CDH3: variants seen among roughly 807,000 people sequenced by gnomAD.
CDH3 encodes cadherin 3.
CDH3 carries 54 observed loss-of-function variants against 82.0 expected under a neutral mutation model. The observed-to-expected ratio is 0.66, with a 90% CI of 0.53 to 0.83. CDH3 has a LOEUF of 0.83. Ranked by LOEUF, CDH3 falls within the 40% of genes least tolerant of loss-of-function variation. CDH3 has a pLI of 0.00. For synonymous variants in CDH3, 446 were observed against 437.9 expected (o/e 1.02, Z -0.23); for missense variants, 1,054 against 1,084.6 (o/e 0.97, Z 0.40).
intron 12 of CDH3, among the ~76,000 whole-genome samples, chr16:68,689,781 G>T (rs992805288): frequency 6.6e-6 from 1 of 151,842 alleles, no homozygotes; most frequent in African/African-American, 2.4e-5. Context: ...GGAGCCCAGC[G>T]AGAGTGCAGA....
intron 15 of CDH3, chr16:68,696,687 C>G (rs1387777807): frequency 2.6e-5 from 4 of 153,472 alleles, no homozygotes; most frequent in East Asian, 1.9e-4. Flanking sequence ...ACTCTAAGAT[C>G]TGTCTGCCAG....
intron 3 of CDH3, among the ~76,000 whole-genome samples, chr16:68,676,793 C>T (rs1961046583): frequency 6.6e-6 from 1 of 152,194 alleles, no homozygotes. Flanking sequence ...CCATGTTAAC[C>T]CCAACTGAAA....
chr16:68,656,009 G>A (rs1463679391), intron 2 of CDH3, among the ~76,000 whole-genome samples: 1 of 152,166 alleles, frequency 6.6e-6, no homozygotes, highest in Non-Finnish European at 1.5e-5. Flanking sequence ...AAGGGAGTTG[G>A]GCATGAGAGG....
At chr16:68,645,560 G>A (rs1960028330) in intron 1 of CDH3, 76 bp from the exon 2 acceptor site, 1 of 1,449,434 alleles carries the variant, frequency 6.9e-7, no homozygotes. Context: ...AGGCCCGTGA[G>A]GACCCTGCGG....
intron 2 of CDH3, among the ~76,000 whole-genome samples, chr16:68,646,983 ATTCT>A (rs1233807108): frequency 1.1e-5 from 1 of 90,528 alleles, no homozygotes; most frequent in Non-Finnish European, 2.4e-5. Context: ...TTTTAAAAAA[ATTCT>A]TTCTGCAAAT....
chr16:68,696,161 C>A, intron 15 of CDH3: 1 of 532,762 alleles, frequency 1.9e-6, no homozygotes, highest in Non-Finnish European at 3.5e-6. Context: ...TGCCTCACGC[C>A]TGTAATCTGA....
intron 3 of CDH3, 124 bp downstream of exon 3, chr16:68,676,594 G>C (rs1182006514): frequency 2.1e-5 from 16 of 751,796 alleles, no homozygotes; most frequent in Non-Finnish European, 3.3e-5. Flanking sequence ...AGAGGAGGTA[G>C]TGTTAGTCCT....
At chr16:68,680,289 G>A (rs1018419779) in intron 7 of CDH3, among the ~76,000 whole-genome samples, 1 of 152,134 alleles carries the variant, frequency 6.6e-6, no homozygotes, top group Admixed American at 6.5e-5. Context: ...TACCCAAATT[G>A]GTCCCTTATG....
chr16:68,720,430 G>A (rs911370333), intron 1 of CDH3, among the ~76,000 whole-genome samples: 11 of 152,008 alleles, frequency 7.2e-5, no homozygotes, highest in African/African-American at 2.7e-4. Context: ...GGTGACCTTG[G>A]GCAAGTACCT....
chr16:68,690,629 C>T (rs1005010849), intron 12 of CDH3, among the ~76,000 whole-genome samples: 3 of 151,464 alleles, frequency 2.0e-5, no homozygotes, highest in African/African-American at 7.3e-5. Context: ...AAATTGAAGG[C>T]CGGGCACCGT....
intron 2 of CDH3, among the ~76,000 whole-genome samples, chr16:68,653,245 TA>T (rs111330892): frequency 0.015 from 2,157 of 142,006 alleles, 37 homozygotes; most frequent in African/African-American, 0.039. Context: ...TATTTTATTT[TA>T]TTTTATTTTT....
At chr16:68,648,622 T>C (rs971885590) in intron 2 of CDH3, among the ~76,000 whole-genome samples, 4 of 152,050 alleles carry the variant, frequency 2.6e-5, no homozygotes, top group Non-Finnish European at 4.4e-5. Flanking sequence ...TGGCTAATTT[T>C]TAATGTTTTC....
At chr16:68,695,446 G>A (rs1374740721) in intron 14 of CDH3, 61 bp downstream of exon 14, 20 of 1,539,606 alleles carry the variant, frequency 1.3e-5, no homozygotes, top group Middle Eastern at 1.7e-4. Flanking sequence ...TGGCAGGGCT[G>A]TTGGGTCAAC....
At chr16:68,651,418 C>A in intron 2 of CDH3, 1 of 548,452 alleles carries the variant, frequency 1.8e-6, no homozygotes, top group Middle Eastern at 3.6e-4. Flanking sequence ...ATGGTCATAC[C>A]CGACTGGCTT....
intron 1 of CDH3, among the ~76,000 whole-genome samples, chr16:68,714,775 G>C (rs1045808443): frequency 5.9e-5 from 9 of 152,182 alleles, no homozygotes; most frequent in African/African-American, 2.2e-4. Flanking sequence ...CCAGCGCTTT[G>C]GGAAGCGGAG....
At chr16:68,719,816 C>G (rs984740233) in intron 1 of CDH3, among the ~76,000 whole-genome samples, 1 of 152,020 alleles carries the variant, frequency 6.6e-6, no homozygotes. Context: ...TGTACTACAT[C>G]TTGATTATAG....
intron 2 of CDH3, among the ~76,000 whole-genome samples, chr16:68,672,150 G>A (rs1054843054): frequency 3.4e-5 from 5 of 147,856 alleles, no homozygotes; most frequent in Admixed American, 6.8e-5. Context: ...CCGAGATTGC[G>A]CCACTGCACT....
rs371786242 is a variant in CDH3, at chr16:68,653,839, G to A, written c.160+8089G>A. On this transcript the variant is annotated intron_variant, in intron 2 of 15. Coordinates refer to ENST00000264012, the MANE Select transcript of CDH3 (RefSeq NM_001793.6). ...CAAGTAGCTGGGACTACAGGCGCCC[G>A]CAACCACGCCCGGCTAATTTTTTGT... Among the ~76,000 whole-genome samples, 8 of 151,470 alleles carry A rather than the reference G, an allele frequency of 5.3e-5. No individual in the cohort carries two copies. The South Asian group carries it at 6.3e-4, about 12-fold the overall frequency.
chr16:68,722,038 G>A (rs1002938010), intron 1 of CDH3, among the ~76,000 whole-genome samples: 2 of 152,116 alleles, frequency 1.3e-5, no homozygotes, highest in African/African-American at 2.4e-5. Flanking sequence ...GCAGTGAGCC[G>A]AGATGGCACT....
Sources: allele counts gnomAD v4.1 joint callset (sites outside exome capture counted in the v4.1 genomes callset), GRCh38; gene constraint gnomAD v4.1.1; transcripts MANE v1.5; gene names NCBI Gene and HGNC (gene_info 2026-07-23, HGNC 2026-07-21).